The following ROCK2 variants were observed in gnomAD, a reference collection of about 807,000 sequenced individuals.
ROCK2 encodes Rho associated coiled-coil containing protein kinase 2, also known as rho-associated protein kinase 2.
In ROCK2, 61 loss-of-function variants were observed where a neutral mutation model predicts 195.1. That is an observed-to-expected ratio of 0.31 (90% CI 0.25 to 0.39). The LOEUF is 0.39. Among genes scored for constraint, ROCK2 ranks in the 10% least tolerant of loss-of-function variants. The pLI, the probability that ROCK2 is intolerant of heterozygous loss-of-function variation, is 1.00. For synonymous variants in ROCK2, 504 were observed against 545.5 expected (o/e 0.92, Z 1.06); for missense variants, 1,109 against 1,637.4 (o/e 0.68, Z 5.57).
intron 1 of ROCK2, among the ~76,000 whole-genome samples, chr2:11,292,346 T>A (rs1428180906): frequency 6.6e-6 from 1 of 152,160 alleles, no homozygotes; most frequent in Non-Finnish European, 1.5e-5. Flanking sequence ...GCACTATACA[T>A]GCATTTAACA....
At chr2:11,307,517 A>AT (rs1667894549) in intron 1 of ROCK2, among the ~76,000 whole-genome samples, 3 of 151,978 alleles carry the variant, frequency 2.0e-5, no homozygotes, top group African/African-American at 7.3e-5. Flanking sequence ...TTTCACCATG[A>AT]TGTCCAGGAT....
intron 1 of ROCK2, among the ~76,000 whole-genome samples, chr2:11,341,234 C>T (rs915845852): frequency 1.2e-4 from 18 of 152,198 alleles, no homozygotes; most frequent in African/African-American, 4.3e-4. Flanking sequence ...GTCATCTTTA[C>T]ACTGATTTAG....
chr2:11,242,232 T>C (rs549839269), intron 4 of ROCK2, among the ~76,000 whole-genome samples: 3 of 152,260 alleles, frequency 2.0e-5, no homozygotes, highest in South Asian at 2.1e-4. Context: ...AAAGGTAACA[T>C]AGCACAATAT....
chr2:11,197,432 T>C lies in ROCK2; in HGVS notation c.3280-84A>G. On this transcript the variant is annotated intron_variant, in intron 26 of 32. Coordinates refer to ENST00000315872, the MANE Select transcript of ROCK2 (RefSeq NM_004850.5). The surrounding 1 kb of genome is among the most constrained non-coding windows in gnomAD (Gnocchi z 4.9). The stretch of plus-strand genomic sequence containing the variant: ...TCTTGGTTCAATAATAATTATTAAA[T>C]AGAAATGGTCTATAACCAGTAAAAC... The C allele has an allele frequency of 5.9e-6, 9 of 1,528,330 alleles. No individual in the cohort carries two copies. The highest frequency in any genetic ancestry group is 8.0e-6 in the Non-Finnish European group (9 of 1,120,782). The allele number at this position is 1,528,330 out of a possible 1,614,324, so 94.7% of individuals were successfully genotyped here.
intron 28 of ROCK2, 117 bp downstream of exon 28, chr2:11,194,838 A>G: frequency 2.2e-6 from 1 of 450,772 alleles, no homozygotes; most frequent in Non-Finnish European, 3.9e-6. Flanking sequence ...TGAAGTATAA[A>G]CAAGTTCTAT....
intron 19 of ROCK2, 58 bp downstream of exon 19, chr2:11,208,229 T>C (rs1664122822): frequency 4.2e-6 from 4 of 943,908 alleles, no homozygotes; most frequent in Non-Finnish European, 5.5e-6. Context: ...TAGACCTTCA[T>C]GAATAAACCT....
chr2:11,290,491 T>C (rs1410652048), intron 1 of ROCK2, among the ~76,000 whole-genome samples: 1 of 151,768 alleles, frequency 6.6e-6, no homozygotes, highest in Non-Finnish European at 1.5e-5. Context: ...GAAATACAAA[T>C]AAATTCAGGA....
At chr2:11,259,109 C>T (rs72787642) in intron 3 of ROCK2, among the ~76,000 whole-genome samples, 6,491 of 151,364 alleles carry the variant, frequency 0.043, 300 homozygotes, top group Non-Finnish European at 0.06. Context: ...GGCTTCACTA[C>T]ATAAAATCTA....
At chr2:11,256,638 AAATG>A (rs1666045793) in intron 3 of ROCK2, among the ~76,000 whole-genome samples, 1 of 150,968 alleles carries the variant, frequency 6.6e-6, no homozygotes, top group Non-Finnish European at 1.5e-5. Context: ...AGTTGAAAAC[AAATG>A]AATGGAGAAA....
intron 3 of ROCK2, among the ~76,000 whole-genome samples, chr2:11,282,614 A>AAAAAC (rs1667045631): frequency 1.3e-5 from 2 of 151,336 alleles, no homozygotes; most frequent in Non-Finnish European, 1.5e-5. Context: ...ATGCAAAAAA[A>AAAAAC]AAAAAAAGAA....
intron 1 of ROCK2, among the ~76,000 whole-genome samples, chr2:11,288,841 G>C (rs917549488): frequency 6.6e-6 from 1 of 152,098 alleles, no homozygotes; most frequent in Non-Finnish European, 1.5e-5. Flanking sequence ...GGAGGCTAAG[G>C]CAGGAGGATC....
chr2:11,226,298 T>G (rs767362335), intron 6 of ROCK2, among the ~76,000 whole-genome samples: 2 of 152,192 alleles, frequency 1.3e-5, no homozygotes, highest in South Asian at 4.1e-4. Context: ...TAAAGAAAGT[T>G]TTGAAATACT....
At position 11,228,297 on chromosome 2, in the gene ROCK2, C is replaced by T. The variant is rs10495581; in HGVS notation, c.724-899G>A. Among the ~76,000 whole-genome samples the T allele has an allele frequency of 7.1e-3, 1,082 of 152,248 alleles. 14 individuals are homozygous for T. Among genetic ancestry groups the T allele is most frequent in the African/African-American group, 0.025 (1,030 of 41,552 alleles). On this transcript the variant is annotated intron_variant, in intron 5 of 32. Coordinates refer to ENST00000315872, the MANE Select transcript of ROCK2 (RefSeq NM_004850.5). ...AACTACCTAATATTGAGTATTATGG[C>T]TACCTTGAGAAAAGGAGGTTGAACA...
intron 32 of ROCK2, among the ~76,000 whole-genome samples, chr2:11,190,313 T>C (rs1374540651): frequency 6.6e-6 from 1 of 151,612 alleles, no homozygotes; most frequent in African/African-American, 2.4e-5. Flanking sequence ...ACAAAATGTG[T>C]TTTTTAAAAA....
At chr2:11,336,832 T>C (rs935573980) in intron 1 of ROCK2, among the ~76,000 whole-genome samples, 10 of 152,156 alleles carry the variant, frequency 6.6e-5, no homozygotes, top group African/African-American at 2.4e-4. Context: ...TAGACCTAAA[T>C]GTAAAAGTCA....
intron 4 of ROCK2, among the ~76,000 whole-genome samples, chr2:11,248,708 C>CA (rs70953372): frequency 0.013 from 611 of 45,396 alleles, 53 homozygotes; most frequent in African/African-American, 0.036. Flanking sequence ...GACTTCATCT[C>CA]AAAAAAAAAA....
rs956726152 is a variant in ROCK2 at position 11,216,203 on chromosome 2, A to T, written c.1416T>A (p.Ser472=). The change falls in exon 13 of 33, where the codon TCT becomes TCA. Residue 472 remains serine, a synonymous_variant. Transcript: ENST00000315872. ...CTGTTTTTTCTAGGCGAGTATTAACAGATCTAAAGAATTTCAGAAAGAAAC... is the reference window on the plus strand; with the variant it reads ...CTGTTTTTTCTAGGCGAGTATTAACTGATCTAAAGAATTTCAGAAAGAAAC... The part of the protein sequence containing the change: ...AKEELEQKCK[S]VNTRLEKTAK... The T allele has an allele frequency of 1.1e-5, 18 of 1,606,730 alleles. No individual in the cohort carries two copies. The highest frequency in any genetic ancestry group is 1.4e-5 in the Non-Finnish European group (17 of 1,174,050).
chr2:11,320,105 CACTCCCTATAAGG>C (rs750934242), intron 1 of ROCK2, among the ~76,000 whole-genome samples: 1 of 152,158 alleles, frequency 6.6e-6, no homozygotes, highest in Admixed American at 6.5e-5. Context: ...AGGATACATT[CACTCCCTATAAGG>C]ACTCTTCCTG....
rs1327097671 is a variant in ROCK2, at chr2:11,344,316, C to A, written c.-180G>T. The A allele has an allele frequency of 1.7e-6, 2 of 1,187,774 alleles. No individual in the cohort carries two copies. The highest frequency in any genetic ancestry group is 1.0e-6 in the Non-Finnish European group (1 of 956,914). The allele number at this position is 1,187,774 out of a possible 1,614,324, so 73.6% of individuals were successfully genotyped here. The stretch of plus-strand genomic sequence containing the variant: ...CGCCTGGGGGCTGCTCCCAGGGGCC[C>A]GCCCGGCCCAGCCCGGCCCAGCCCG... On this transcript the variant is annotated 5_prime_UTR_variant, in exon 1 of 33. Transcript: ENST00000315872. The surrounding 1 kb of genome is among the most constrained non-coding windows in gnomAD (Gnocchi z 5.4).
Sources: allele counts gnomAD v4.1 joint callset (sites outside exome capture counted in the v4.1 genomes callset), GRCh38; gene constraint gnomAD v4.1.1; non-coding constraint Gnocchi (gnomAD v3.1); transcripts MANE v1.5; gene names NCBI Gene and HGNC (gene_info 2026-07-23, HGNC 2026-07-21).